The following ZNF276 variants were observed in gnomAD, a reference collection of about 807,000 sequenced individuals.
ZNF276 encodes centromere protein Z.
A neutral mutation model predicts 63.9 loss-of-function variants in ZNF276; 59 were observed. The ratio of observed to expected loss-of-function variants is 0.92; its 90% CI spans 0.75 to 1.15. The LOEUF (loss-of-function observed/expected upper bound fraction) is 1.15, where lower values mean the gene tolerates loss of function less well. Among genes scored for constraint, ZNF276 ranks in the 50% most tolerant of loss-of-function variants. The probability of loss-of-function intolerance (pLI) is 0.00; values close to 1 mark genes in which losing one functional copy is unlikely to be tolerated. For missense variants in ZNF276, 1,084 were observed against 843.8 expected (o/e 1.28, Z -3.53); for synonymous variants, 496 against 348.4 (o/e 1.42, Z -4.72).
In ZNF276 at chr16:89,736,954, C is replaced by T. The variant is rs1019450884; in HGVS notation, c.1475-852C>T. ...AAAATGCCAAGATAGGGTTTCCCTT[C>T]GAAGAGAAAAGTCTGTCTTGTGAAG... On this transcript the variant is annotated intron_variant, in intron 9 of 10. Transcript: ENST00000443381. Among the ~76,000 whole-genome samples, 3 of 152,138 alleles carry T rather than the reference C, an allele frequency of 2.0e-5. No individual in the cohort carries two copies. The South Asian group carries it at 6.2e-4, about 32-fold the overall frequency.
intron 1 of ZNF276, 26 bp from the exon 2 acceptor site, chr16:89,722,505 C>T (rs973010182): frequency 6.3e-7 from 1 of 1,588,152 alleles, no homozygotes; most frequent in Admixed American, 1.7e-5. Context: ...TTGCCAGCTG[C>T]TAACACTTCC....
chr16:89,736,194 T>C (rs1347617618), intron 9 of ZNF276, among the ~76,000 whole-genome samples: 1 of 151,910 alleles, frequency 6.6e-6, no homozygotes, highest in Non-Finnish European at 1.5e-5. Flanking sequence ...CCTGGGTAAT[T>C]TTTCTATTTT....
chr16:89,733,961 C>T lies in ZNF276; in HGVS notation c.1397C>T (p.Pro466Leu), dbSNP rs373369466. 20 of 1,613,928 alleles carry T rather than the reference C, an allele frequency of 1.2e-5. No homozygotes were observed. The highest frequency in any genetic ancestry group is 1.5e-5 in the Non-Finnish European group (18 of 1,180,032). ...CACCACGAGGAGGTCCGGGAGCGGCCCTGCCCCCACCCTGGCTGCAACAAG... is the reference window on the plus strand; with the variant it reads ...CACCACGAGGAGGTCCGGGAGCGGCTCTGCCCCCACCCTGGCTGCAACAAG... ...KEHHEEVRER[P>L]CPHPGCNKVF... Residue 466 changes from proline to leucine, a missense_variant, in exon 9 of 11, where the codon CCC (proline) becomes CTC (leucine). Physicochemically the swap from Pro to Leu is moderately conservative, Grantham distance 98 (BLOSUM62 -3). Transcript: ENST00000443381.
At chr16:89,722,476 C>T (rs983284073) in intron 1 of ZNF276, 55 bp from the exon 2 acceptor site, 145 of 1,541,692 alleles carry the variant, frequency 9.4e-5, no homozygotes, top group Middle Eastern at 7.2e-4. Context: ...CCGGGACGCC[C>T]TGTGCTCAGG....
chr16:89,739,392 C>T lies in ZNF276; in HGVS notation c.*1146C>T. The T allele has an allele frequency of 6.3e-7, 1 of 1,576,890 alleles. No individual in the cohort carries two copies. Among genetic ancestry groups the T allele is most frequent in the East Asian group, 2.3e-5 (1 of 43,872 alleles). ...CTGTGGAGCAGAGGCACAGACAACC[C>T]TTCCCATCTGGCGGGACCCAGAGGT... On this transcript the variant is annotated 3_prime_UTR_variant, in exon 11 of 11. Coordinates refer to ENST00000443381, the MANE Select transcript of ZNF276 (RefSeq NM_001113525.2).
Position 89,737,811 on chromosome 16 carries a change from C to G in ZNF276, c.1480C>G (p.Arg494Gly). The G allele has an allele frequency of 6.2e-7, 1 of 1,614,164 alleles. No homozygotes were observed. The highest frequency in any genetic ancestry group is 8.5e-7 in the Non-Finnish European group (1 of 1,180,024). ...ACTGGACTCTCCCCTCTCAGAGGTG[C>G]GGAACTATATCTGTGACGAATGTGG... ...RHVKLIHTEVRNYICDECGQT... is the reference protein window; with the variant it reads ...RHVKLIHTEVGNYICDECGQT... The change falls in exon 10 of 11, where the codon CGG becomes GGG. Residue 494 changes from arginine to glycine, a missense_variant. Coordinates refer to ENST00000443381, the MANE Select transcript of ZNF276 (RefSeq NM_001113525.2).
Position 89,721,730 on chromosome 16 carries a change from T to C in ZNF276, c.90T>C (p.Thr30=). Residue 30 remains threonine, a synonymous_variant, in exon 1 of 11, where the codon ACT becomes ACC. Transcript: ENST00000443381. ...ACGGCGGCGGCGGCGTCAGCCGGAC[T>C]CGGGGCCGCCCTTCCCTTAGCGGTG... ...ASDGGGGVSR[T]RGRPSLSGGP... 7.4e-7 allele frequency: 1 copy of C among 1,351,586 alleles called. No homozygotes were observed. The highest frequency in any genetic ancestry group is 9.5e-7 in the Non-Finnish European group (1 of 1,053,528). The allele number at this position is 1,351,586 out of a possible 1,614,324, so 83.7% of individuals were successfully genotyped here.
chr16:89,721,056 T>A, upstream of ZNF276: 1 of 434,436 alleles, frequency 2.3e-6, no homozygotes. Flanking sequence ...GGCGGCAGAG[T>A]CCGGGTGGGT....
Position 89,738,813 on chromosome 16 carries a change from G to C in ZNF276, c.*567G>C. On this transcript the variant is annotated 3_prime_UTR_variant, in exon 11 of 11. Coordinates refer to ENST00000443381, the MANE Select transcript of ZNF276 (RefSeq NM_001113525.2). ...TCGAGTTGTATTGCCAGCCAGGCAG[G>C]CACATGGCCCAGGCAGCTGTCAATT... 6.2e-7 allele frequency: 1 copy of C among 1,613,906 alleles called. No individual in the cohort carries two copies. Among genetic ancestry groups the C allele is most frequent in the Non-Finnish European group, 8.5e-7 (1 of 1,179,940 alleles).
rs373635819 is a variant in ZNF276 at position 89,739,964 on chromosome 16, G to A, written c.*1718G>A. 3.6e-5 allele frequency: 58 copies of A among 1,612,306 alleles called. No individual in the cohort carries two copies. The highest frequency in any genetic ancestry group is 6.7e-5 in the Admixed American group (4 of 59,966). On this transcript the variant is annotated 3_prime_UTR_variant, in exon 11 of 11. Coordinates refer to ENST00000443381, the MANE Select transcript of ZNF276 (RefSeq NM_001113525.2). ...ATGCCTCTGAAAAGAGCGGCCCTCC[G>A]CATTTGTGCCTCAGCAGCGTGTTTC...
chr16:89,720,845 C>G (rs1423610719), upstream of ZNF276: 6 of 1,424,038 alleles, frequency 4.2e-6, no homozygotes, highest in Admixed American at 1.3e-4. Context: ...CGTGCCGTCC[C>G]CGGCCGCAGC....
At chr16:89,727,537 C>T (rs1208299150) in intron 5 of ZNF276, among the ~76,000 whole-genome samples, 180 bp downstream of exon 5, 3 of 152,120 alleles carry the variant, frequency 2.0e-5, no homozygotes, top group Non-Finnish European at 4.4e-5. Flanking sequence ...TCACAGGGGC[C>T]GGCTGTCCGT....
chr16:89,733,880 G>C (rs746858509), intron 8 of ZNF276, 41 bp from the exon 9 acceptor site: 3 of 1,595,732 alleles, frequency 1.9e-6, no homozygotes, highest in Non-Finnish European at 2.6e-6. Context: ...CATGTGGCCC[G>C]GGTGCGGCTC....
At chr16:89,737,533 AGAC>A (rs2061976016) in intron 9 of ZNF276, 1 of 470,608 alleles carries the variant, frequency 2.1e-6, no homozygotes, top group Non-Finnish European at 3.6e-6. Context: ...AAAAAAAAAA[AGAC>A]AAGAATCTGT....
upstream of ZNF276, chr16:89,720,737 C>A: frequency 7.0e-7 from 1 of 1,426,704 alleles, no homozygotes; most frequent in Non-Finnish European, 9.2e-7. Flanking sequence ...CCTCAGCGGC[C>A]AAGCCCCGCC....
Position 89,733,273 on chromosome 16 carries a change from C to A in ZNF276, c.1170-29C>A, listed in dbSNP as rs778888573. On this transcript the variant is annotated intron_variant, in intron 6 of 10. Transcript: ENST00000443381. ...CATTTTGCAAATGGAGATCAGAAAC[C>A]ATTGAATTTGGGAACCTCTTTTTTT... 4 of 1,593,334 alleles carry A rather than the reference C, an allele frequency of 2.5e-6. No homozygotes were observed. The South Asian group carries it at 4.4e-5, about 18-fold the overall frequency.
chr16:89,721,957 G>A (rs2061298560), intron 1 of ZNF276, 112 bp downstream of exon 1: 3 of 763,764 alleles, frequency 3.9e-6, no homozygotes, highest in Middle Eastern at 4.6e-4. Context: ...CCGGCCAAGG[G>A]CGTAGCGGAC....
chr16:89,722,550 C>T lies in ZNF276; in HGVS notation c.225C>T (p.Ala75=). 3.1e-6 allele frequency: 5 copies of T among 1,612,184 alleles called. No homozygotes were observed. Among genetic ancestry groups the T allele is most frequent in the Admixed American group, 1.7e-5 (1 of 60,010 alleles). The change falls in exon 2 of 11, where the codon GCC becomes GCT. Residue 75 remains alanine, a synonymous_variant. Transcript: ENST00000443381. ...ADEAGAGRAL[A]MGHCRLCHGK... ...GTGCAGGAGCAGGCCGGGCTCTCGC[C>T]ATGGGTCACTGTCGCCTCTGCCACG...
At chr16:89,730,995 G>A (rs1352767451) in intron 6 of ZNF276, among the ~76,000 whole-genome samples, 1 of 152,242 alleles carries the variant, frequency 6.6e-6, no homozygotes, top group African/African-American at 2.4e-5. Context: ...AGTGAGGCCT[G>A]AGCCCAGCCC....
Sources: allele counts gnomAD v4.1 joint callset (sites outside exome capture counted in the v4.1 genomes callset), GRCh38; gene constraint gnomAD v4.1.1; transcripts MANE v1.5; gene names NCBI Gene and HGNC (gene_info 2026-07-23, HGNC 2026-07-21).